The following IMPA1 variants were observed in gnomAD, a reference collection of about 807,000 sequenced individuals.
IMPA1 encodes the protein D-galactose 1-phosphate phosphatase.
A neutral mutation model predicts 34.9 loss-of-function variants in IMPA1; 21 were observed. The observed-to-expected ratio is 0.60, with a 90% CI of 0.43 to 0.87. IMPA1 has a LOEUF of 0.87. IMPA1 is among the 40% of genes least tolerant of loss of function. The probability of loss-of-function intolerance (pLI) is 0.00; values close to 1 mark genes in which losing one functional copy is unlikely to be tolerated. For synonymous variants in IMPA1, 95 were observed against 104.4 expected, an observed-to-expected ratio of 0.91 and a Z score of 0.55; for missense variants, 299 against 336.4, an observed-to-expected ratio of 0.89 and a Z score of 0.87.
intron 6 of IMPA1, among the ~76,000 whole-genome samples, chr8:81,671,630 G>T (rs2130282953): frequency 6.6e-6 from 1 of 152,234 alleles, no homozygotes; most frequent in East Asian, 1.9e-4. Context: ...GGGCATGGTG[G>T]CTCACACCTG....
chr8:81,681,626 A>T (rs1807303034), intron 1 of IMPA1, 42 bp from the exon 2 acceptor site: 1 of 1,115,878 alleles, frequency 9.0e-7, no homozygotes, highest in Non-Finnish European at 1.4e-6. Context: ...TCTTAATTAT[A>T]GAATAGTTAG....
At chr8:81,686,072 C>T in intron 1 of IMPA1, 180 bp downstream of exon 1, 4 of 1,035,834 alleles carry the variant, frequency 3.9e-6, no homozygotes, top group South Asian at 4.1e-5. Context: ...GAACTGTTCC[C>T]GGTCGCCCAG....
At chr8:81,674,786 G>T (rs1807084043) in intron 5 of IMPA1, 2 of 454,042 alleles carry the variant, frequency 4.4e-6, no homozygotes, top group African/African-American at 4.0e-5. Flanking sequence ...ATTCATTTTG[G>T]CTCCCATCAA....
chr8:81,676,341 TA>T, intron 4 of IMPA1, 62 bp from the exon 5 acceptor site: 6 of 821,328 alleles, frequency 7.3e-6, no homozygotes, highest in Non-Finnish European at 9.3e-6. Flanking sequence ...TTAATAAAAT[TA>T]ATCTTTTCAT....
intron 7 of IMPA1, among the ~76,000 whole-genome samples, chr8:81,670,213 A>G (rs1420350808): frequency 1.3e-5 from 2 of 152,248 alleles, no homozygotes; most frequent in Non-Finnish European, 2.9e-5. Context: ...AGGAAATACA[A>G]GCAAATTACA....
chr8:81,659,306 A>C lies in IMPA1; in HGVS notation c.*45T>G. 9.3e-7 allele frequency: 1 copy of C among 1,070,024 alleles called. No individual in the cohort carries two copies. Among genetic ancestry groups the C allele is most frequent in the Non-Finnish European group, 1.5e-6 (1 of 684,124 alleles). The allele number at this position is 1,070,024 out of a possible 1,614,324, so 66.3% of individuals were successfully genotyped here. On this transcript the variant is annotated 3_prime_UTR_variant, in exon 9 of 9. Transcript: ENST00000256108. ...AACACATATCCATTGATGAGTCACC[A>C]AATCTGGGGAAAAGCAACTGGGATT...
Position 81,681,591 on chromosome 8 carries a change from A to C in IMPA1, c.-24-7T>G. 6.6e-7 allele frequency: 1 copy of C among 1,525,250 alleles called. No homozygotes were observed. The allele number at this position is 1,525,250 out of a possible 1,614,324, so 94.5% of individuals were successfully genotyped here. On this transcript the variant is annotated splice_region_variant and splice_polypyrimidine_tract_variant and intron_variant, in intron 1 of 8. Transcript: ENST00000256108. ...GAAAATATTTGACAAATATCTGTAC[A>C]AAGTAGTTATAACTGTCTTAGAAGT...
At chr8:81,685,368 T>G (rs915225085) in intron 1 of IMPA1, among the ~76,000 whole-genome samples, 3 of 138,722 alleles carry the variant, frequency 2.2e-5, no homozygotes, top group Non-Finnish European at 3.0e-5. Context: ...TGTAAGTATA[T>G]TTATGTACTA....
intron 2 of IMPA1, 131 bp from the exon 3 acceptor site, chr8:81,680,914 C>A: frequency 1.5e-6 from 1 of 682,244 alleles, no homozygotes; most frequent in Non-Finnish European, 2.4e-6. Context: ...AAATGTCTTA[C>A]AAATATATCT....
At chr8:81,666,333 C>T (rs539153675) in intron 7 of IMPA1, among the ~76,000 whole-genome samples, 7 of 152,162 alleles carry the variant, frequency 4.6e-5, no homozygotes, top group Admixed American at 3.9e-4. Flanking sequence ...ATCAAATGAA[C>T]GCAGTAACTA....
intron 3 of IMPA1, 88 bp downstream of exon 3, chr8:81,680,561 AG>A: frequency 1.0e-6 from 1 of 961,492 alleles, no homozygotes; most frequent in Middle Eastern, 3.2e-4. Flanking sequence ...GACCTTGGCA[AG>A]AACCGTGTAG....
At chr8:81,669,137 G>T in intron 7 of IMPA1, among the ~76,000 whole-genome samples, 1 of 152,168 alleles carries the variant, frequency 6.6e-6, no homozygotes, top group East Asian at 1.9e-4. Context: ...AGCCACAGTG[G>T]AACTGTGGGG....
intron 1 of IMPA1, among the ~76,000 whole-genome samples, chr8:81,684,533 TA>T (rs2130337475): frequency 8.8e-6 from 1 of 113,966 alleles, no homozygotes; most frequent in Non-Finnish European, 1.7e-5. Flanking sequence ...GTAGTATATA[TA>T]CTACACATAA....
chr8:81,680,907 T>C, intron 2 of IMPA1, 124 bp from the exon 3 acceptor site: 2 of 734,764 alleles, frequency 2.7e-6, no homozygotes, highest in Non-Finnish European at 4.3e-6. Context: ...TTCTTAAAAA[T>C]GTCTTACAAA....
chr8:81,659,132 A>G lies in IMPA1; in HGVS notation c.*219T>C, dbSNP rs572464432. The G allele has an allele frequency of 1.2e-4, 67 of 540,150 alleles. No individual in the cohort carries two copies. Among genetic ancestry groups the G allele is most frequent in the African/African-American group, 1.2e-3 (62 of 52,030 alleles). The allele number at this position is 540,150 out of a possible 1,614,324, so 33.5% of individuals were successfully genotyped here. A position where few individuals can be genotyped will look rare whatever the true frequency, so the allele number is the denominator to read the frequency against. On this transcript the variant is annotated 3_prime_UTR_variant, in exon 9 of 9. Coordinates refer to ENST00000256108, the MANE Select transcript of IMPA1 (RefSeq NM_005536.4). ...ACTGTACTTCCTGGGTATGTTTCCTAAAGTACATTCTTACATGCAAAATTT... is the reference window on the plus strand; with the variant it reads ...ACTGTACTTCCTGGGTATGTTTCCTGAAGTACATTCTTACATGCAAAATTT...
At chr8:81,684,073 T>C (rs1807383951) in intron 1 of IMPA1, among the ~76,000 whole-genome samples, 1 of 150,916 alleles carries the variant, frequency 6.6e-6, no homozygotes, top group Non-Finnish European at 1.5e-5. Context: ...ATGGGAGTTA[T>C]GAGCCAGGAA....
chr8:81,664,391 G>C (rs1806761670), intron 7 of IMPA1, among the ~76,000 whole-genome samples: 1 of 152,150 alleles, frequency 6.6e-6, no homozygotes, highest in Non-Finnish European at 1.5e-5. Context: ...AATTCTAACA[G>C]AGCACCGGAA....
At chr8:81,667,682 C>T (rs988073973) in intron 7 of IMPA1, among the ~76,000 whole-genome samples, 7 of 152,038 alleles carry the variant, frequency 4.6e-5, no homozygotes, top group African/African-American at 1.7e-4. Flanking sequence ...TAGCTCTGAC[C>T]AGAATGCTAA....
chr8:81,668,171 G>C (rs1396055179), intron 7 of IMPA1, among the ~76,000 whole-genome samples: 2 of 151,996 alleles, frequency 1.3e-5, no homozygotes, highest in Non-Finnish European at 2.9e-5. Context: ...AATGAATTAG[G>C]GTATCTGGCA....
Sources: allele counts gnomAD v4.1 joint callset (sites outside exome capture counted in the v4.1 genomes callset), GRCh38; gene constraint gnomAD v4.1.1; transcripts MANE v1.5; gene names NCBI Gene and HGNC (gene_info 2026-07-23, HGNC 2026-07-21).